The following FAT3 variants were observed in gnomAD, a reference collection of about 807,000 sequenced individuals.
The protein encoded by FAT3 is FAT atypical cadherin 3.
Under a neutral mutation model 310.2 loss-of-function variants are expected in FAT3, and 95 were observed. The ratio of observed to expected loss-of-function variants is 0.31; its 90% CI spans 0.26 to 0.36. The LOEUF (loss-of-function observed/expected upper bound fraction) is 0.36, where lower values mean the gene tolerates loss of function less well. Ranked by LOEUF, FAT3 falls within the 10% of genes least tolerant of loss-of-function variation. The pLI, the probability that FAT3 is intolerant of heterozygous loss-of-function variation, is 1.00. For synonymous variants in FAT3, 2,314 were observed against 2,192.9 expected (o/e 1.06, Z -1.54); for missense variants, 5,408 against 5,715.6 (o/e 0.95, Z 1.74).
At chr11:92,228,963 C>T (rs1864034078) in intron 1 of FAT3, among the ~76,000 whole-genome samples, 1 of 152,046 alleles carries the variant, frequency 6.6e-6, no homozygotes, top group Non-Finnish European at 1.5e-5. Flanking sequence ...AATTGATTTC[C>T]TTTGATTGCT....
intron 16 of FAT3, 93 bp from the exon 17 acceptor site, chr11:92,837,570 C>T (rs1948438213): frequency 6.8e-7 from 1 of 1,474,954 alleles, no homozygotes; most frequent in Admixed American, 2.1e-5. Flanking sequence ...TGCTCTTTAA[C>T]AAAGCACAGC....
intron 1 of FAT3, among the ~76,000 whole-genome samples, chr11:92,243,050 G>A (rs1864730885): frequency 6.6e-6 from 1 of 151,852 alleles, no homozygotes; most frequent in African/African-American, 2.4e-5. Context: ...TATAATTTAT[G>A]AGTTGTACAT....
At chr11:92,439,465 A>G (rs766145850) in intron 2 of FAT3, among the ~76,000 whole-genome samples, 18 of 152,284 alleles carry the variant, frequency 1.2e-4, no homozygotes, top group Non-Finnish European at 2.5e-4. Flanking sequence ...ACCTTTTTTC[A>G]GCAGACATTT....
intron 2 of FAT3, among the ~76,000 whole-genome samples, chr11:92,442,097 ATATATATATATATATTTT>A (rs1951080575): frequency 2.2e-5 from 1 of 45,826 alleles, no homozygotes; most frequent in African/African-American, 1.0e-4. Flanking sequence ...ATATATATAT[ATATATATATATATATTTT>A]TTTTTTTTTT....
chr11:92,860,458 G>C (rs569204340), intron 21 of FAT3, among the ~76,000 whole-genome samples: 10 of 152,314 alleles, frequency 6.6e-5, no homozygotes, highest in African/African-American at 2.4e-4. Flanking sequence ...CAGCCTTCTA[G>C]TATGGAGGAG....
chr11:92,880,140 G>GA (rs1374613230), intron 22 of FAT3, among the ~76,000 whole-genome samples: 2 of 151,396 alleles, frequency 1.3e-5, no homozygotes, highest in East Asian at 1.9e-4. Flanking sequence ...GGGAGAAAGT[G>GA]AAAAAAATGC....
Position 92,524,575 on chromosome 11 carries a change from T to G in FAT3, c.3293-59T>G, listed in dbSNP as rs1591400132. 8 of 1,515,482 alleles carry G rather than the reference T, an allele frequency of 5.3e-6. No individual in the cohort carries two copies. The East Asian group carries it at 1.8e-4, about 34-fold the overall frequency. 93.9% of individuals were successfully genotyped at this position (1,515,482 alleles called of 1,614,324 possible). The stretch of plus-strand genomic sequence containing the variant: ...TAGTGTAGTCCTTTGGAATTTGAGA[T>G]TATTTATTTAATGTCTTCCCTTTCT... On this transcript the variant is annotated intron_variant, in intron 2 of 27. Coordinates refer to ENST00000525166, the MANE Select transcript of FAT3 (RefSeq NM_001367949.2).
intron 2 of FAT3, among the ~76,000 whole-genome samples, chr11:92,500,919 TGG>T (rs1952919685): frequency 6.6e-6 from 1 of 152,082 alleles, no homozygotes; most frequent in Non-Finnish European, 1.5e-5. Flanking sequence ...GCATACAGTC[TGG>T]CAATCATGAT....
At chr11:92,750,563 G>A (rs776834864) in intron 4 of FAT3, among the ~76,000 whole-genome samples, 1 of 152,104 alleles carries the variant, frequency 6.6e-6, no homozygotes, top group Non-Finnish European at 1.5e-5. Context: ...TCATTTCGAA[G>A]TTACAAAGGT....
At position 92,566,549 on chromosome 11, in the gene FAT3, T is replaced by C. The variant is rs368308143; in HGVS notation, c.3607+41601T>C. On this transcript the variant is annotated intron_variant, in intron 3 of 27. Transcript: ENST00000525166. ...TGGAAAAAAACTACTTTAAAGTTCATATGGAACCAAAAAAGAGCCCGCATT... is the reference window on the plus strand; with the variant it reads ...TGGAAAAAAACTACTTTAAAGTTCACATGGAACCAAAAAAGAGCCCGCATT... Among the ~76,000 whole-genome samples the C allele has an allele frequency of 7.9e-5, 12 of 152,106 alleles. No individual in the cohort carries two copies. The East Asian group carries it at 2.3e-3, about 29-fold the overall frequency.
At chr11:92,684,990 A>G (rs1198908356) in intron 3 of FAT3, among the ~76,000 whole-genome samples, 1 of 152,190 alleles carries the variant, frequency 6.6e-6, no homozygotes, top group African/African-American at 2.4e-5. Context: ...GTGTGATCCT[A>G]CAGGGCGCTT....
At chr11:92,807,807 A>G (rs1212999100) in intron 12 of FAT3, among the ~76,000 whole-genome samples, 1 of 152,242 alleles carries the variant, frequency 6.6e-6, no homozygotes, top group Non-Finnish European at 1.5e-5. Flanking sequence ...AGATGCCTGC[A>G]TTGAAGGCCA....
chr11:92,790,263 G>A (rs370646934), intron 8 of FAT3, 45 bp downstream of exon 8: 5 of 1,594,632 alleles, frequency 3.1e-6, no homozygotes, highest in African/African-American at 2.7e-5. Flanking sequence ...ACCACTGACT[G>A]TTCAGGCCAC....
At chr11:92,359,573 C>T (rs1355014452) in intron 2 of FAT3, among the ~76,000 whole-genome samples, 111 of 150,164 alleles carry the variant, frequency 7.4e-4, no homozygotes, top group African/African-American at 2.6e-3. Context: ...TGGTGCGCTG[C>T]ACCCACTAAC....
intron 3 of FAT3, among the ~76,000 whole-genome samples, chr11:92,632,543 G>A (rs950528304): frequency 6.6e-6 from 1 of 152,238 alleles, no homozygotes; most frequent in African/African-American, 2.4e-5. Context: ...TGCTCCTGAA[G>A]ATTAGGCAGT....
chr11:92,816,284 C>A (rs1409965804), intron 13 of FAT3, among the ~76,000 whole-genome samples: 1 of 152,198 alleles, frequency 6.6e-6, no homozygotes, highest in Non-Finnish European at 1.5e-5. Flanking sequence ...AGGTGAAGGA[C>A]AGGTCAGTGC....
At chr11:92,232,607 C>T (rs1429447874) in intron 1 of FAT3, among the ~76,000 whole-genome samples, 1 of 116,548 alleles carries the variant, frequency 8.6e-6, no homozygotes, top group East Asian at 2.4e-4. Flanking sequence ...TCATTTTGTG[C>T]TTCTTGACTT....
At chr11:92,268,384 C>A (rs1034430277) in intron 1 of FAT3, among the ~76,000 whole-genome samples, 3 of 151,954 alleles carry the variant, frequency 2.0e-5, no homozygotes, top group Admixed American at 6.6e-5. Context: ...CTTCCCTAAA[C>A]AGAGATCTTT....
At chr11:92,776,014 TAA>T (rs1195859296) in intron 7 of FAT3, among the ~76,000 whole-genome samples, 1 of 152,202 alleles carries the variant, frequency 6.6e-6, no homozygotes, top group Non-Finnish European at 1.5e-5. Context: ...ATTGCTGTCT[TAA>T]GTGTTAATTC....
Sources: gnomAD v4.1 joint callset for allele counts (sites outside exome capture counted in the v4.1 genomes callset) on GRCh38, gnomAD v4.1.1 for gene constraint, MANE v1.5 for transcripts, NCBI Gene and HGNC (gene_info 2026-07-23, HGNC 2026-07-21) for gene names.